Variants in SPTB observed in about 807,000 individuals in gnomAD.
SPTB encodes spectrin beta, erythrocytic.
SPTB carries 45 observed loss-of-function variants against 256.2 expected under a neutral mutation model. The ratio of observed to expected loss-of-function variants is 0.18; its 90% confidence interval spans 0.14 to 0.23. The LOEUF (loss-of-function observed/expected upper bound fraction) is 0.23. Among genes scored for constraint, SPTB ranks in the 10% least tolerant of loss-of-function variants. The pLI is 1.00. For missense variants in SPTB, 2,715 were observed against 3,040.4 expected (o/e 0.89, Z 2.52); for synonymous variants, 1,231 against 1,243.1 (o/e 0.99, Z 0.21).
Position 64,786,962 on chromosome 14 carries a change from C to T in SPTB, c.3003G>A (p.Glu1001=), listed in dbSNP as rs748750173. The T allele has an allele frequency of 6.2e-7, 1 of 1,613,930 alleles. No homozygotes were observed. The highest frequency in any genetic ancestry group is 8.5e-7 in the Non-Finnish European group (1 of 1,180,058). Residue 1001 remains glutamate, a synonymous_variant, in exon 16 of 36, where the codon GAG becomes GAA. Coordinates refer to ENST00000644917, the MANE Select transcript of SPTB (RefSeq NM_001355436.2). This position sits in a 1 kb window ranked among gnomAD's most constrained non-coding sequence, Gnocchi z 5.6. ...IAIQRKLSGL[E]RDVAAIQARV... is the part of the protein sequence containing the mutation. The stretch of plus-strand genomic sequence containing the variant: ...GGGCCTGGATGGCGGCCACGTCACG[C>T]TCCAGCCCTGACAACTTCCTCTGGA...
At position 64,764,890 on chromosome 14, in the gene SPTB, C is replaced by T. The variant is rs969965304; in HGVS notation, c.6345+1836G>A. ...AGGGAGGCGACCCCACATGCGATGA[C>T]GGGAGCTTCGGAGGGAACTTCTGGG... On this transcript the variant is annotated intron_variant, in intron 32 of 35. Coordinates refer to ENST00000644917, the MANE Select transcript of SPTB (RefSeq NM_001355436.2). This position sits in a 1 kb window ranked among gnomAD's most constrained non-coding sequence, Gnocchi z 4.2. Among the ~76,000 whole-genome samples the T allele has an allele frequency of 6.6e-6, 1 of 152,194 alleles. No homozygotes were observed. The highest frequency in any genetic ancestry group is 2.1e-4 in the South Asian group (1 of 4,820).
At chr14:64,840,749 G>A (rs2139750946) in intron 1 of SPTB, among the ~76,000 whole-genome samples, 1 of 152,276 alleles carries the variant, frequency 6.6e-6, no homozygotes, top group African/African-American at 2.4e-5. Flanking sequence ...GTCTGTCAAT[G>A]TGATCAACAC....
intron 32 of SPTB, among the ~76,000 whole-genome samples, chr14:64,762,413 G>A (rs1212705881): frequency 2.0e-5 from 3 of 152,200 alleles, no homozygotes; most frequent in Non-Finnish European, 1.5e-5. Flanking sequence ...CTGGCTGCCT[G>A]CCAGGGAGGC....
intron 33 of SPTB, among the ~76,000 whole-genome samples, chr14:64,750,936 C>G (rs945012848): frequency 3.2e-5 from 4 of 126,354 alleles, no homozygotes; most frequent in Non-Finnish European, 4.8e-5. Flanking sequence ...CATTATATAT[C>G]ATATACTATA....
chr14:64,838,239 CATACCAT>C (rs771801982), intron 1 of SPTB, among the ~76,000 whole-genome samples: 25 of 152,258 alleles, frequency 1.6e-4, no homozygotes, highest in Admixed American at 1.4e-3. Flanking sequence ...ACCCATACCA[CATACCAT>C]ATACAGAAAT....
At position 64,800,854 on chromosome 14, in the gene SPTB, T is replaced by C. The variant is rs763460080; in HGVS notation, c.778A>G (p.Asn260Asp). The change falls in exon 8 of 36, where the codon AAC (asparagine) becomes GAC (aspartate). Residue 260 changes from asparagine to aspartate, a missense_variant. By Grantham distance (23) the Asn-to-Asp change is conservative. Around this residue, in one of 4 missense-constraint regions of SPTB, gnomAD observed 416 missense variants for 571.1 expected, o/e 0.73. Coordinates refer to ENST00000644917, the MANE Select transcript of SPTB (RefSeq NM_001355436.2). ...GTGATGATGGATTTCTCATCAGGGT[T>C]TTCCGTAAAGACATCTGTTAGGGAA... ...LLDPEDVFTE[N>D]PDEKSIITYV... is the part of the protein sequence containing the mutation. 1 of 1,614,068 alleles carries C rather than the reference T, an allele frequency of 6.2e-7. No homozygotes were observed. The highest frequency in any genetic ancestry group is 8.5e-7 in the Non-Finnish European group (1 of 1,179,984).
chr14:64,797,504 G>GA (rs1218402712), intron 10 of SPTB, among the ~76,000 whole-genome samples: 7 of 92,618 alleles, frequency 7.6e-5, no homozygotes, highest in Non-Finnish European at 1.6e-4. Flanking sequence ...AAAAAAAAAG[G>GA]ACTCAGGGAT....
chr14:64,801,168 A>G (rs2082878395), intron 7 of SPTB, 117 bp downstream of exon 7: 2 of 860,226 alleles, frequency 2.3e-6, no homozygotes, highest in Admixed American at 4.1e-5. Context: ...CACTGTGCCC[A>G]CAGCTTGCCC....
chr14:64,797,799 G>T lies in SPTB; in HGVS notation c.1112C>A (p.Ser371Tyr). ...TTTCTGATTGTTGGCTCTCATCCGG[G>T]ACTGGATGGTAAAAAGTAGAACTTC... ...NLEVLLFTIQ[S>Y]RMRANNQKVY... The change falls in exon 10 of 36, where the codon TCC becomes TAC. Residue 371 changes from serine to tyrosine, a missense_variant. Physicochemically the swap from Ser to Tyr is moderately radical, Grantham distance 144. Transcript: ENST00000644917. 6.2e-7 allele frequency: 1 copy of T among 1,614,120 alleles called. No homozygotes were observed. Among genetic ancestry groups the T allele is most frequent in the Non-Finnish European group, 8.5e-7 (1 of 1,180,006 alleles).
chr14:64,782,029 A>C (rs1429652929), intron 20 of SPTB, among the ~76,000 whole-genome samples: 3 of 152,228 alleles, frequency 2.0e-5, no homozygotes, highest in Non-Finnish European at 2.9e-5. Context: ...ACTTATGAAC[A>C]CAAGGAAACA....
At chr14:64,869,467 T>C (rs556876832) in intron 1 of SPTB, among the ~76,000 whole-genome samples, 1 of 152,224 alleles carries the variant, frequency 6.6e-6, no homozygotes, top group East Asian at 1.9e-4. Context: ...TATTTTGAGA[T>C]GGGGTCTCAC....
At chr14:64,831,951 CA>C (rs1187581763) in intron 1 of SPTB, among the ~76,000 whole-genome samples, 1 of 152,076 alleles carries the variant, frequency 6.6e-6, no homozygotes, top group Non-Finnish European at 1.5e-5. Context: ...AACTCTTAAA[CA>C]CATAAAAATG....
intron 2 of SPTB, among the ~76,000 whole-genome samples, chr14:64,813,270 G>A (rs895090183): frequency 1.1e-4 from 17 of 152,164 alleles, no homozygotes; most frequent in African/African-American, 4.1e-4. Flanking sequence ...AGTCAAAAAA[G>A]TTTCTTTCTT....
intron 2 of SPTB, among the ~76,000 whole-genome samples, chr14:64,805,305 G>A (rs941068199): frequency 6.6e-5 from 10 of 152,118 alleles, no homozygotes; most frequent in African/African-American, 7.2e-5. Flanking sequence ...GAGATCACTC[G>A]CACTGCCACC....
chr14:64,812,876 T>G (rs1269806396), intron 2 of SPTB, among the ~76,000 whole-genome samples: 1 of 152,250 alleles, frequency 6.6e-6, no homozygotes, highest in Non-Finnish European at 1.5e-5. Context: ...TTGAGGGCTT[T>G]GTGCCTCTCC....
chr14:64,750,382 C>A (rs948220258), intron 33 of SPTB: 1 of 504,252 alleles, frequency 2.0e-6, no homozygotes, highest in African/African-American at 2.0e-5. Context: ...TTTTTTTTTA[C>A]TAGTCACAGA....
chr14:64,849,523 T>A (rs972751926), intron 1 of SPTB, among the ~76,000 whole-genome samples: 1 of 152,218 alleles, frequency 6.6e-6, no homozygotes, highest in Non-Finnish European at 1.5e-5. Flanking sequence ...GGACACTTCA[T>A]CCTAACTCAA....
At chr14:64,750,231 TAAA>T (rs1353241331) in intron 33 of SPTB, 77 bp from the exon 34 acceptor site, 18 of 1,430,220 alleles carry the variant, frequency 1.3e-5, no homozygotes, top group Middle Eastern at 1.8e-4. Flanking sequence ...GCTTCACCAT[TAAA>T]AAAAATTACA....
rs1030019624 is a variant in SPTB at position 64,748,110 on chromosome 14, C to T, written c.*1196G>A. 7 of 152,244 alleles carry T rather than the reference C, an allele frequency of 4.6e-5. No individual in the cohort carries two copies. Among genetic ancestry groups the T allele is most frequent in the Non-Finnish European group, 1.0e-4 (7 of 68,074 alleles). 9.4% of individuals were successfully genotyped at this position (152,244 alleles called of 1,614,324 possible). ...ATCAAGGGGTACCACACCTTCATGGCTCTGGCCCTGACATTTGTCCCAGTT... is the reference window on the plus strand; with the variant it reads ...ATCAAGGGGTACCACACCTTCATGGTTCTGGCCCTGACATTTGTCCCAGTT... On this transcript the variant is annotated 3_prime_UTR_variant, in exon 36 of 36. Coordinates refer to ENST00000644917, the MANE Select transcript of SPTB (RefSeq NM_001355436.2).
Sources: gnomAD v4.1 joint callset for allele counts (sites outside exome capture counted in the v4.1 genomes callset) on GRCh38, gnomAD v4.1.1 for gene constraint, gnomAD v4.1.1 regional missense constraint, Gnocchi (gnomAD v3.1) non-coding constraint, MANE v1.5 for transcripts, NCBI Gene and HGNC (gene_info 2026-07-23, HGNC 2026-07-21) for gene names.